MACROD2: variants seen among roughly 807,000 people sequenced by gnomAD.
The protein encoded by MACROD2 is mono-ADP ribosylhydrolase 2.
Under a neutral mutation model 70.4 loss-of-function variants are expected in MACROD2, and 36 were observed. The observed-to-expected ratio is 0.51, with a 90% CI of 0.39 to 0.68. The LOEUF (loss-of-function observed/expected upper bound fraction) is 0.68. Among genes scored for constraint, MACROD2 ranks in the 30% least tolerant of loss-of-function variants. The pLI is 0.00. For synonymous variants in MACROD2, 172 were observed against 178.8 expected, an observed-to-expected ratio of 0.96 and a Z score of 0.30; for missense variants, 496 against 538.4, an observed-to-expected ratio of 0.92 and a Z score of 0.78.
chr20:14,977,778 A>G (rs2074755194), intron 5 of MACROD2, among the ~76,000 whole-genome samples: 1 of 152,160 alleles, frequency 6.6e-6, no homozygotes, highest in Non-Finnish European at 1.5e-5. Context: ...ACCATCAGAA[A>G]ACGAAACTGG....
intron 8 of MACROD2, among the ~76,000 whole-genome samples, chr20:15,823,316 G>A (rs6135560): frequency 0.2 from 30,139 of 147,948 alleles, 3,346 homozygotes; most frequent in East Asian, 0.29. Context: ...GTGTGTGTGT[G>A]TGTGTCTATA....
At chr20:15,404,251 A>T (rs1168059968) in intron 6 of MACROD2, among the ~76,000 whole-genome samples, 1 of 152,228 alleles carries the variant, frequency 6.6e-6, no homozygotes, top group Non-Finnish European at 1.5e-5. Context: ...GATTTTATGT[A>T]AAATGCATTT....
At chr20:15,768,929 C>T (rs1018921345) in intron 8 of MACROD2, among the ~76,000 whole-genome samples, 5 of 152,190 alleles carry the variant, frequency 3.3e-5, no homozygotes, top group African/African-American at 1.2e-4. Context: ...TCCACCTCCA[C>T]ATCTTGTCTC....
chr20:14,662,194 A>G (rs1322809288), intron 4 of MACROD2, among the ~76,000 whole-genome samples: 1 of 152,152 alleles, frequency 6.6e-6, no homozygotes, highest in Non-Finnish European at 1.5e-5. Context: ...CCACACACCT[A>G]CAACAATCTG....
intron 4 of MACROD2, among the ~76,000 whole-genome samples, chr20:14,664,215 T>C (rs967106229): frequency 3.3e-5 from 5 of 152,252 alleles, no homozygotes; most frequent in Middle Eastern, 6.8e-3. Context: ...GGGTTTTGGC[T>C]CATAAATCAG....
chr20:14,562,083 C>T (rs1979470917), intron 4 of MACROD2, among the ~76,000 whole-genome samples: 1 of 151,870 alleles, frequency 6.6e-6, no homozygotes, highest in Non-Finnish European at 1.5e-5. Flanking sequence ...TAAATAGAAC[C>T]TATCCCTCTG....
chr20:15,323,428 T>G (rs1230369614), intron 6 of MACROD2, among the ~76,000 whole-genome samples: 1 of 152,230 alleles, frequency 6.6e-6, no homozygotes, highest in African/African-American at 2.4e-5. Context: ...TGATTTTCCT[T>G]TCCATGAAGG....
chr20:15,170,311 A>G (rs907216375), intron 5 of MACROD2, among the ~76,000 whole-genome samples: 2 of 152,334 alleles, frequency 1.3e-5, no homozygotes, highest in Admixed American at 1.3e-4. Context: ...GAAGTCATAC[A>G]ATATTTGAGA....
At chr20:15,950,815 A>C (rs781273122) in intron 12 of MACROD2, among the ~76,000 whole-genome samples, 36 of 152,190 alleles carry the variant, frequency 2.4e-4, no homozygotes, top group Non-Finnish European at 4.9e-4. Context: ...GTTTTTCTGT[A>C]ATACAGAACT....
chr20:14,346,271 A>C (rs2083063506), intron 3 of MACROD2, among the ~76,000 whole-genome samples: 1 of 152,168 alleles, frequency 6.6e-6, no homozygotes, highest in Non-Finnish European at 1.5e-5. Flanking sequence ...GAATAGCAAA[A>C]ACATAAACAC....
intron 15 of MACROD2, among the ~76,000 whole-genome samples, chr20:15,993,052 G>A (rs1320928710): frequency 7.0e-6 from 1 of 143,314 alleles, no homozygotes; most frequent in African/African-American, 2.5e-5. Flanking sequence ...ATTAACATTT[G>A]TTCCTTATAT....
chr20:15,133,259 A>T (rs1318668504), intron 5 of MACROD2, among the ~76,000 whole-genome samples: 2 of 152,126 alleles, frequency 1.3e-5, no homozygotes, highest in Non-Finnish European at 2.9e-5. Context: ...GAAAGGACAA[A>T]AGACTAATGA....
intron 4 of MACROD2, among the ~76,000 whole-genome samples, chr20:14,653,638 G>A (rs564139265): frequency 1.3e-5 from 2 of 152,014 alleles, no homozygotes; most frequent in African/African-American, 4.8e-5. Flanking sequence ...TTACAGGCAT[G>A]AGCCACTGCA....
At chr20:14,543,039 G>A (rs2085452293) in intron 4 of MACROD2, among the ~76,000 whole-genome samples, 1 of 151,750 alleles carries the variant, frequency 6.6e-6, no homozygotes, top group African/African-American at 2.4e-5. Flanking sequence ...TGTAATTATG[G>A]GATTTTTAAA....
intron 5 of MACROD2, among the ~76,000 whole-genome samples, chr20:15,073,758 C>T (rs2075637062): frequency 6.6e-6 from 1 of 152,116 alleles, no homozygotes; most frequent in African/African-American, 2.4e-5. Flanking sequence ...GCAAAGGAAA[C>T]AGTATTTTAA....
At chr20:15,857,441 G>C (rs1365597615) in intron 8 of MACROD2, among the ~76,000 whole-genome samples, 4 of 152,204 alleles carry the variant, frequency 2.6e-5, no homozygotes, top group Non-Finnish European at 5.9e-5. Context: ...TCCTGCCGAA[G>C]GATCCAGTGC....
intron 6 of MACROD2, among the ~76,000 whole-genome samples, chr20:15,282,552 G>T (rs1327050370): frequency 6.6e-6 from 1 of 152,144 alleles, no homozygotes; most frequent in Non-Finnish European, 1.5e-5. Flanking sequence ...AATTTCTGGG[G>T]CAGAGGCAAA....
chr20:14,430,529 TG>T (rs1478193135), intron 3 of MACROD2, among the ~76,000 whole-genome samples: 1 of 152,044 alleles, frequency 6.6e-6, no homozygotes, highest in African/African-American at 2.4e-5. Flanking sequence ...GACTGCTAAC[TG>T]GGAGGATGGC....
intron 12 of MACROD2, among the ~76,000 whole-genome samples, chr20:15,938,452 T>C (rs2065700210): frequency 6.6e-6 from 1 of 152,160 alleles, no homozygotes; most frequent in African/African-American, 2.4e-5. Context: ...ATTCTGTCTG[T>C]AATGGTGATC....
Sources: gnomAD v4.1 joint callset for allele counts (sites outside exome capture counted in the v4.1 genomes callset) on GRCh38, gnomAD v4.1.1 for gene constraint, MANE v1.5 for transcripts, NCBI Gene and HGNC (gene_info 2026-07-23, HGNC 2026-07-21) for gene names.